Variants in PXDNL observed in about 807,000 individuals in gnomAD.
The protein encoded by PXDNL is peroxidasin like, also known as probable oxidoreductase PXDNL.
PXDNL carries 145 observed loss-of-function variants against 150.8 expected under a neutral mutation model. The ratio of observed to expected loss-of-function variants is 0.96; its 90% CI spans 0.84 to 1.10. The LOEUF (loss-of-function observed/expected upper bound fraction) is 1.10. Among genes scored for constraint, PXDNL ranks in the 50% least tolerant of loss-of-function variants. The pLI is 0.00. For synonymous variants in PXDNL, 757 were observed against 725.7 expected (o/e 1.04, Z -0.69); for missense variants, 2,087 against 1,873.9 (o/e 1.11, Z -2.10).
intron 4 of PXDNL, among the ~76,000 whole-genome samples, chr8:51,508,055 G>T (rs1330066799): frequency 1.3e-5 from 2 of 152,146 alleles, no homozygotes; most frequent in Non-Finnish European, 2.9e-5. Context: ...GAAGGGGAAA[G>T]AATTAATAGA....
chr8:51,372,229 TTTAA>T, intron 18 of PXDNL, 148 bp from the exon 19 acceptor site: 1 of 612,790 alleles, frequency 1.6e-6, no homozygotes, highest in East Asian at 2.7e-5. Context: ...TGAGTATCCT[TTTAA>T]TTCTCTCCAA....
Position 51,565,320 on chromosome 8 carries a change from A to AG in PXDNL, c.309-8410_309-8409insC, listed in dbSNP as rs1409822639. Among the ~76,000 whole-genome samples the AG allele has an allele frequency of 9.5e-3, 1,261 of 133,308 alleles. 23 individuals carry two copies. The highest frequency in any genetic ancestry group is 0.044 in the African/African-American group (1,168 of 26,566). The allele number at this position is 133,308 out of a possible 152,430, so 87.5% of individuals were successfully genotyped here. On this transcript the variant is annotated intron_variant, in intron 3 of 22. Transcript: ENST00000356297. ...TAAATAAATAAATAAATAAATAAATAAATAGATAGATAGATAGATAGATAA... is the reference window on the plus strand; with the variant it reads ...TAAATAAATAAATAAATAAATAAATAGAATAGATAGATAGATAGATAGATAA...
chr8:51,623,118 T>C (rs1200122064), intron 2 of PXDNL, among the ~76,000 whole-genome samples: 2 of 152,232 alleles, frequency 1.3e-5, no homozygotes, highest in Non-Finnish European at 2.9e-5. Context: ...CTGTATCTTC[T>C]AGCCGCACTA....
chr8:51,529,129 GTCAA>G (rs1811829714), intron 4 of PXDNL, among the ~76,000 whole-genome samples: 1 of 152,140 alleles, frequency 6.6e-6, no homozygotes, highest in Admixed American at 6.6e-5. Flanking sequence ...ATACTTTAAC[GTCAA>G]TCACATCCCA....
chr8:51,787,851 G>A (rs1242041517), intron 1 of PXDNL, among the ~76,000 whole-genome samples: 1 of 152,196 alleles, frequency 6.6e-6, no homozygotes, highest in Non-Finnish European at 1.5e-5. Context: ...GAAAAGAAGA[G>A]TCCATTAATG....
At chr8:51,595,290 G>A (rs1407342621) in intron 2 of PXDNL, among the ~76,000 whole-genome samples, 1 of 151,882 alleles carries the variant, frequency 6.6e-6, no homozygotes, top group East Asian at 1.9e-4. Flanking sequence ...TGTGTGGTTG[G>A]AAATATTTTA....
intron 4 of PXDNL, among the ~76,000 whole-genome samples, chr8:51,530,553 C>T (rs189105633): frequency 6.6e-6 from 1 of 152,198 alleles, no homozygotes; most frequent in East Asian, 1.9e-4. Context: ...CATGACCACC[C>T]GGACTGCCCA....
At chr8:51,712,833 A>G (rs1026927896) in intron 1 of PXDNL, among the ~76,000 whole-genome samples, 3 of 152,160 alleles carry the variant, frequency 2.0e-5, no homozygotes, top group Non-Finnish European at 2.9e-5. Context: ...TACTTCTAAT[A>G]CCTTATGATT....
chr8:51,599,628 TATATAAATGATATC>T (rs1813649512), intron 2 of PXDNL, among the ~76,000 whole-genome samples: 1 of 146,462 alleles, frequency 6.8e-6, no homozygotes, highest in African/African-American at 2.5e-5. Flanking sequence ...TAAATTATCT[TATATAAATGATATC>T]ATTTATATAA....
chr8:51,339,602 G>A (rs373488676), intron 21 of PXDNL, 22 bp downstream of exon 21: 67 of 1,608,932 alleles, frequency 4.2e-5, no homozygotes, highest in Middle Eastern at 1.7e-4. Context: ...ATAAGGACAT[G>A]TTATTTGAAG....
chr8:51,743,443 G>A (rs939905825), intron 1 of PXDNL, among the ~76,000 whole-genome samples: 6 of 151,858 alleles, frequency 4.0e-5, no homozygotes, highest in African/African-American at 1.5e-4. Context: ...GTGCAGTGAT[G>A]CGATCTTGGC....
intron 8 of PXDNL, among the ~76,000 whole-genome samples, chr8:51,466,158 A>G (rs1011145399): frequency 5.3e-5 from 8 of 152,208 alleles, no homozygotes; most frequent in African/African-American, 1.7e-4. Context: ...ACTATTCTAC[A>G]AGGCTACACT....
intron 22 of PXDNL, 81 bp downstream of exon 22, chr8:51,320,703 C>A: frequency 1.0e-6 from 1 of 994,606 alleles, no homozygotes; most frequent in East Asian, 2.4e-5. Context: ...ATTTTTTCTC[C>A]TTTTGAATTT....
chr8:51,448,430 C>G (rs564837840), intron 11 of PXDNL, among the ~76,000 whole-genome samples: 1 of 152,214 alleles, frequency 6.6e-6, no homozygotes, highest in Non-Finnish European at 1.5e-5. Context: ...TGCGGCCGGG[C>G]GCGGTGGCTC....
At chr8:51,700,193 A>C (rs4873574) in intron 1 of PXDNL, among the ~76,000 whole-genome samples, 6 of 102,528 alleles carry the variant, frequency 5.9e-5, no homozygotes, top group African/African-American at 3.5e-4. Flanking sequence ...ACACACACAC[A>C]CACCATCACA....
chr8:51,655,562 G>C (rs191219768), intron 1 of PXDNL, among the ~76,000 whole-genome samples: 6 of 152,220 alleles, frequency 3.9e-5, no homozygotes, highest in Admixed American at 6.5e-5. Flanking sequence ...CTTTCAGTTG[G>C]AGAACGAGGC....
intron 14 of PXDNL, among the ~76,000 whole-genome samples, chr8:51,419,004 G>T (rs983085441): frequency 6.6e-6 from 1 of 152,182 alleles, no homozygotes; most frequent in African/African-American, 2.4e-5. Context: ...AAGATAAATC[G>T]TGAGGGCTCA....
chr8:51,608,275 G>A (rs1396591122), intron 2 of PXDNL, among the ~76,000 whole-genome samples: 1 of 146,604 alleles, frequency 6.8e-6, no homozygotes, highest in Admixed American at 6.7e-5. Flanking sequence ...TGTAATCCCA[G>A]CTACTGTAGA....
chr8:51,730,911 A>G (rs879303847), intron 1 of PXDNL, among the ~76,000 whole-genome samples: 3 of 152,154 alleles, frequency 2.0e-5, no homozygotes, highest in Non-Finnish European at 4.4e-5. Flanking sequence ...ACCCACCCCC[A>G]TGATTCAATT....
Sources: allele counts gnomAD v4.1 joint callset (sites outside exome capture counted in the v4.1 genomes callset), GRCh38; gene constraint gnomAD v4.1.1; transcripts MANE v1.5; gene names NCBI Gene and HGNC (gene_info 2026-07-23, HGNC 2026-07-21).